CLIP2: variants seen among roughly 807,000 people sequenced by gnomAD.
CLIP2 encodes the protein CAP-Gly domain-containing linker protein 2.
CLIP2 carries 41 observed loss-of-function variants against 111.7 expected under a neutral mutation model. That is an observed-to-expected ratio of 0.37 (90% CI 0.29 to 0.48). CLIP2 has a LOEUF of 0.48. CLIP2 is among the 20% of genes least tolerant of loss of function. The probability of loss-of-function intolerance (pLI) is 0.99; values close to 1 mark genes in which losing one functional copy is unlikely to be tolerated. For synonymous variants in CLIP2, 660 were observed against 644.2 expected (o/e 1.02, Z -0.37); for missense variants, 1,160 against 1,422.1 (o/e 0.82, Z 2.96).
chr7:74,374,090 C>G (rs1414937578), intron 9 of CLIP2, among the ~76,000 whole-genome samples: 1 of 152,050 alleles, frequency 6.6e-6, no homozygotes, highest in African/African-American at 2.4e-5. Context: ...AACAGCCAGC[C>G]GGCCCCCCAG....
chr7:74,317,649 G>A lies in CLIP2; in HGVS notation c.103G>A (p.Ala35Thr). 1 of 1,506,412 alleles carries A rather than the reference G, an allele frequency of 6.6e-7. No homozygotes were observed. Among genetic ancestry groups the A allele is most frequent in the Non-Finnish European group, 8.9e-7 (1 of 1,120,730 alleles). 93.3% of individuals were successfully genotyped at this position (1,506,412 alleles called of 1,614,324 possible). A position where few individuals can be genotyped will look rare whatever the true frequency, so the allele number is the denominator to read the frequency against. ...TGSASSSAAV[A>T]ASSKEGSPLH... ...GTCAGCTTCATCCTCGGCGGCGGTG[G>A]CCGCTAGCTCCAAGGAAGGTACGTG... Residue 35 changes from alanine (A) to threonine (T), a missense_variant, in exon 2 of 17, where the codon GCC becomes ACC. Coordinates refer to ENST00000223398, the MANE Select transcript of CLIP2 (RefSeq NM_003388.5).
chr7:74,385,219 T>A (rs1225437563), intron 11 of CLIP2, among the ~76,000 whole-genome samples: 2 of 150,138 alleles, frequency 1.3e-5, no homozygotes, highest in Admixed American at 1.3e-4. Context: ...TTCTTGAACC[T>A]GGGAGGTGGA....
Position 74,376,979 on chromosome 7 carries a change from G to T in CLIP2, c.2421+157G>T, listed in dbSNP as rs1176615568. 1.3e-5 allele frequency among the ~76,000 whole-genome samples: 2 copies of T among 152,070 alleles called. No individual in the cohort carries two copies. The highest frequency in any genetic ancestry group is 2.9e-5 in the Non-Finnish European group (2 of 67,976). On this transcript the variant is annotated intron_variant, in intron 10 of 16. Coordinates refer to ENST00000223398, the MANE Select transcript of CLIP2 (RefSeq NM_003388.5). This position sits in a 1 kb window ranked among gnomAD's most constrained non-coding sequence, Gnocchi z 7.1. ...GGGGTCACCTGGCTTAGAGGAGGAG[G>T]AGCTCCTTGGCCCTCTGTTAGAGGG...
chr7:74,353,927 C>T lies in CLIP2; in HGVS notation c.726C>T (p.Asp242=). The change falls in exon 4 of 17, where the codon GAC becomes GAT. Residue 242 remains aspartate, a synonymous_variant. Coordinates refer to ENST00000223398, the MANE Select transcript of CLIP2 (RefSeq NM_003388.5). ...TGVVRYVGET[D]FAKGEWCGVE... is the part of the protein sequence containing the mutation. ...TGGTGCGGTACGTGGGGGAGACAGACTTTGCCAAGGGCGAGTGGTGTGGCG... is the reference window on the plus strand; with the variant it reads ...TGGTGCGGTACGTGGGGGAGACAGATTTTGCCAAGGGCGAGTGGTGTGGCG... 1 of 1,614,140 alleles carries T rather than the reference C, an allele frequency of 6.2e-7. No homozygotes were observed. Among genetic ancestry groups the T allele is most frequent in the Admixed American group, 1.7e-5 (1 of 60,012 alleles).
chr7:74,372,650 AG>A (rs2116647225), intron 8 of CLIP2, among the ~76,000 whole-genome samples: 1 of 152,078 alleles, frequency 6.6e-6, no homozygotes, highest in Admixed American at 6.5e-5. Flanking sequence ...CCAGCGAGGG[AG>A]GATGGCTTGC....
At chr7:74,325,060 G>A (rs761220480) in intron 2 of CLIP2, among the ~76,000 whole-genome samples, 82 of 152,272 alleles carry the variant, frequency 5.4e-4, no homozygotes, top group Non-Finnish European at 9.9e-4. Context: ...AGGGGAGCAC[G>A]CTGGAGTCTG....
chr7:74,374,079 G>C (rs183155124), intron 9 of CLIP2, among the ~76,000 whole-genome samples: 2 of 152,082 alleles, frequency 1.3e-5, no homozygotes, highest in Non-Finnish European at 2.9e-5. Flanking sequence ...ACTCACATGC[G>C]AACAGCCAGC....
intron 1 of CLIP2, among the ~76,000 whole-genome samples, chr7:74,294,558 G>A (rs1348345896): frequency 6.6e-6 from 1 of 152,128 alleles, no homozygotes; most frequent in East Asian, 1.9e-4. Flanking sequence ...GGGATGAGAG[G>A]GCGGAATTTC....
At chr7:74,296,222 C>T (rs1390173623) in intron 1 of CLIP2, among the ~76,000 whole-genome samples, 1 of 152,078 alleles carries the variant, frequency 6.6e-6, no homozygotes, top group Non-Finnish European at 1.5e-5. Context: ...CCCTGCTGTG[C>T]CCAGCACGGT....
chr7:74,324,062 C>T lies in CLIP2; in HGVS notation c.121+6395C>T, dbSNP rs560915667. On this transcript the variant is annotated intron_variant, in intron 2 of 16. Transcript: ENST00000223398. ...TCGCCCAGGCTGGAGTGCAGTGGCA[C>T]GATCTCTGCAACTTCTGCCCCCTGG... 5.9e-5 allele frequency among the ~76,000 whole-genome samples: 9 copies of T among 152,110 alleles called. No homozygotes were observed. The South Asian group carries it at 8.3e-4, about 14-fold the overall frequency.
At chr7:74,363,281 C>G (rs544647370) in intron 7 of CLIP2, among the ~76,000 whole-genome samples, 2 of 152,182 alleles carry the variant, frequency 1.3e-5, no homozygotes, top group African/African-American at 2.4e-5. Flanking sequence ...GGATTACGGG[C>G]GTGAGCCACT....
At chr7:74,323,300 G>A (rs1789014987) in intron 2 of CLIP2, among the ~76,000 whole-genome samples, 1 of 151,790 alleles carries the variant, frequency 6.6e-6, no homozygotes, top group African/African-American at 2.4e-5. Context: ...TTGTAGAAAC[G>A]GAGTCTTGCA....
At chr7:74,382,920 C>G (rs1004211591) in intron 11 of CLIP2, among the ~76,000 whole-genome samples, 6 of 150,296 alleles carry the variant, frequency 4.0e-5, no homozygotes, top group South Asian at 4.2e-4. Context: ...AAAAATACCC[C>G]CCTCCAAAAA....
intron 8 of CLIP2, among the ~76,000 whole-genome samples, chr7:74,369,316 A>C (rs1554311422): frequency 6.6e-6 from 1 of 152,132 alleles, no homozygotes; most frequent in Non-Finnish European, 1.5e-5. Flanking sequence ...ACACCACTGC[A>C]CTCCAGCCTG....
chr7:74,396,952 C>T, intron 13 of CLIP2, 122 bp from the exon 14 acceptor site: 1 of 1,245,912 alleles, frequency 8.0e-7, no homozygotes, highest in South Asian at 1.5e-5. Flanking sequence ...GCACAGATGC[C>T]ATCTAGTAGC....
At chr7:74,393,060 G>T (rs1411669844) in intron 13 of CLIP2, among the ~76,000 whole-genome samples, 1 of 147,178 alleles carries the variant, frequency 6.8e-6, no homozygotes, top group Non-Finnish European at 1.5e-5. Flanking sequence ...TTTTGAGACG[G>T]AGTCTTACTC....
chr7:74,397,937 G>C (rs1387063529), intron 14 of CLIP2, among the ~76,000 whole-genome samples: 1 of 151,740 alleles, frequency 6.6e-6, no homozygotes, highest in African/African-American at 2.4e-5. Context: ...AAAGTGGTGG[G>C]ATTACAGGTG....
chr7:74,305,863 C>T (rs1564027941), intron 1 of CLIP2, among the ~76,000 whole-genome samples: 1 of 113,236 alleles, frequency 8.8e-6, no homozygotes, highest in Non-Finnish European at 1.7e-5. Context: ...CAACCCCCCC[C>T]CACCGCCCCT....
chr7:74,336,811 C>T (rs1034662387), intron 2 of CLIP2, among the ~76,000 whole-genome samples: 1 of 150,716 alleles, frequency 6.6e-6, no homozygotes, highest in Non-Finnish European at 1.5e-5. Flanking sequence ...AAGCTCTTAG[C>T]ACAGAGTCTC....
Sources: gnomAD v4.1 joint callset for allele counts (sites outside exome capture counted in the v4.1 genomes callset) on GRCh38, gnomAD v4.1.1 for gene constraint, Gnocchi (gnomAD v3.1) non-coding constraint, MANE v1.5 for transcripts, NCBI Gene and HGNC (gene_info 2026-07-23, HGNC 2026-07-21) for gene names.